The following UNC79 variants were observed in gnomAD, a reference collection of about 807,000 sequenced individuals.
UNC79 encodes protein unc-79 homolog.
A neutral mutation model predicts 283.1 loss-of-function variants in UNC79; 37 were observed. That is an observed-to-expected ratio of 0.13 (90% CI 0.10 to 0.17). The LOEUF is 0.17. Ranked by LOEUF, UNC79 falls within the 10% of genes least tolerant of loss-of-function variation. The pLI, the probability that UNC79 is intolerant of heterozygous loss-of-function variation, is 1.00. For synonymous variants in UNC79, 1,107 were observed against 1,200.2 expected (o/e 0.92, Z 1.61); for missense variants, 2,272 against 3,211.1 (o/e 0.71, Z 7.07).
At chr14:93,423,062 CAAAAA>C (rs71129634) in intron 1 of UNC79, among the ~76,000 whole-genome samples, 2 of 77,292 alleles carry the variant, frequency 2.6e-5, no homozygotes, top group African/African-American at 5.5e-5. Context: ...GACTCTGTCT[CAAAAA>C]AAAAAAAAAA....
chr14:93,367,308 G>A (rs1301277583), intron 1 of UNC79, among the ~76,000 whole-genome samples: 1 of 152,216 alleles, frequency 6.6e-6, no homozygotes, highest in African/African-American at 2.4e-5. Context: ...GATTCATTAA[G>A]TCAAACAATT....
At chr14:93,691,388 C>G (rs1012672254) in intron 45 of UNC79, 1 of 334,436 alleles carries the variant, frequency 3.0e-6, no homozygotes, top group Non-Finnish European at 5.7e-6. Flanking sequence ...TACTATTATC[C>G]CCATTTTACA....
At chr14:93,397,736 C>T (rs1182686162) in intron 1 of UNC79, among the ~76,000 whole-genome samples, 1 of 150,186 alleles carries the variant, frequency 6.7e-6, no homozygotes, top group Non-Finnish European at 1.5e-5. Context: ...ATTCCATTCT[C>T]ATCCTTAGAA....
Position 93,626,826 on chromosome 14 carries a change from G to A in UNC79, c.5609-3975G>A, listed in dbSNP as rs147483300. Among the ~76,000 whole-genome samples the A allele has an allele frequency of 2.6e-5, 4 of 152,294 alleles. No homozygotes were observed. The East Asian group carries it at 7.7e-4, about 29-fold the overall frequency. ...TAGAGTTTGGAAGAGACAAACGTTA[G>A]TATAGAGTTTGGAAGAGACAACTCT... On this transcript the variant is annotated intron_variant, in intron 30 of 48. Transcript: ENST00000555664.
intron 1 of UNC79, chr14:93,437,550 T>G (rs1365471440): frequency 6.6e-6 from 1 of 152,240 alleles, no homozygotes; most frequent in Non-Finnish European, 1.5e-5. Context: ...TGTATTAGTT[T>G]TCTAGAGCTG....
At chr14:93,637,446 G>A in intron 32 of UNC79, 147 bp downstream of exon 35, 1 of 1,358,442 alleles carries the variant, frequency 7.4e-7, no homozygotes. Flanking sequence ...GTGGCTGAGA[G>A]TGCGTGACAT....
At chr14:93,707,247 A>T (rs1425817248), downstream of UNC79, 1 of 211,714 alleles carries the variant, frequency 4.7e-6, no homozygotes, top group Non-Finnish European at 9.3e-6. Context: ...ATTTTTGATG[A>T]TAGAGAATAA....
chr14:93,414,565 A>G (rs576846160), intron 1 of UNC79, among the ~76,000 whole-genome samples: 190 of 152,304 alleles, frequency 1.2e-3, no homozygotes, highest in African/African-American at 3.9e-3. Flanking sequence ...TTCTGTGAAG[A>G]AAGTCATTGG....
Position 93,430,887 on chromosome 14 carries a change from A to G in UNC79, c.-143A>G. 1 of 463,876 alleles carries G rather than the reference A, an allele frequency of 2.2e-6. No individual in the cohort carries two copies. The highest frequency in any genetic ancestry group is 2.1e-5 in the South Asian group (1 of 48,728). 28.7% of individuals were successfully genotyped at this position (463,876 alleles called of 1,614,324 possible). A position where few individuals can be genotyped will look rare whatever the true frequency, so the allele number is the denominator to read the frequency against. ...TTGATGTGCGTTTTGTCCGAATGGT[A>G]GCGACACGGGCCTAAGGGAGGGGGA... is the stretch of plus-strand genomic sequence containing the variant. On this transcript the variant is annotated 5_prime_UTR_variant, in exon 1 of 49. Coordinates refer to ENST00000555664, the Ensembl canonical transcript of UNC79. The surrounding 1 kb of genome is among the most constrained non-coding windows in gnomAD (Gnocchi z 4.6).
chr14:93,540,827 T>A, exon 13 of UNC79: 1 of 1,611,874 alleles, frequency 6.2e-7, no homozygotes, highest in Non-Finnish European at 8.5e-7. Context: ...GGAATATGGT[T>A]CTTAGTAAGA....
At chr14:93,641,351 T>A in intron 33 of UNC79, 104 bp downstream of exon 36, 1 of 1,139,274 alleles carries the variant, frequency 8.8e-7, no homozygotes, top group Non-Finnish European at 1.3e-6. Context: ...TTTTAAGTCA[T>A]AATTTGTTCC....
chr14:93,603,124 C>T (rs1212619960), intron 25 of UNC79, 115 bp from the exon 26 acceptor site: 2 of 1,217,462 alleles, frequency 1.6e-6, no homozygotes, highest in African/African-American at 3.0e-5. Context: ...GATGTATATC[C>T]ATGAAAAATG....
chr14:93,416,335 G>A (rs2055456716), intron 1 of UNC79, among the ~76,000 whole-genome samples: 2 of 148,334 alleles, frequency 1.3e-5, no homozygotes, highest in African/African-American at 5.0e-5. Context: ...GCAGTTTTGA[G>A]TGAGTTTCTT....
At chr14:93,477,703 C>T in exon 4 of UNC79, 1 of 1,612,766 alleles carries the variant, frequency 6.2e-7, no homozygotes, top group South Asian at 1.1e-5. Flanking sequence ...AATATCTTAG[C>T]ACATCTTTTC....
At chr14:93,438,462 A>G (rs140972371) in intron 1 of UNC79, among the ~76,000 whole-genome samples, 213 of 152,170 alleles carry the variant, frequency 1.4e-3, no homozygotes, top group African/African-American at 4.9e-3. Context: ...CTAGATCTCT[A>G]AAAAAATAGG....
intron 42 of UNC79, among the ~76,000 whole-genome samples, chr14:93,683,458 C>A (rs978530903): frequency 6.6e-6 from 1 of 152,108 alleles, no homozygotes; most frequent in Non-Finnish European, 1.5e-5. Flanking sequence ...TGACCACACC[C>A]AACTGCAAGG....
At chr14:93,416,876 A>G (rs2140061035) in intron 1 of UNC79, among the ~76,000 whole-genome samples, 1 of 152,204 alleles carries the variant, frequency 6.6e-6, no homozygotes, top group South Asian at 2.1e-4. Flanking sequence ...TTGGCTTGGT[A>G]GATCTTCCTC....
At chr14:93,651,917 T>C (rs1236450701) in intron 35 of UNC79, among the ~76,000 whole-genome samples, 48 of 142,790 alleles carry the variant, frequency 3.4e-4, no homozygotes, top group Admixed American at 6.9e-4. Flanking sequence ...TTTGTATTTT[T>C]TTTTTTTTTT....
intron 10 of UNC79, among the ~76,000 whole-genome samples, chr14:93,530,836 G>GGC (rs2060786427): frequency 6.6e-6 from 1 of 152,088 alleles, no homozygotes; most frequent in African/African-American, 2.4e-5. Context: ...GTGAACCTTT[G>GGC]AGGCGGAGCT....
Sources: allele counts gnomAD v4.1 joint callset (sites outside exome capture counted in the v4.1 genomes callset), GRCh38; gene constraint gnomAD v4.1.1; non-coding constraint Gnocchi (gnomAD v3.1); transcripts MANE v1.5; gene names NCBI Gene and HGNC (gene_info 2026-07-23, HGNC 2026-07-21).